KLKB1: variants seen among roughly 807,000 people sequenced by gnomAD.
KLKB1 encodes the protein plasma kallikrein.
A neutral mutation model predicts 73.6 loss-of-function variants in KLKB1; 58 were observed. The ratio of observed to expected loss-of-function variants is 0.79; its 90% CI spans 0.64 to 0.98. The LOEUF is 0.98. Among genes scored for constraint, KLKB1 ranks in the 50% least tolerant of loss-of-function variants. The probability of loss-of-function intolerance (pLI) is 0.00; values close to 1 mark genes in which losing one functional copy is unlikely to be tolerated. For synonymous variants in KLKB1, 280 were observed against 258.1 expected, an observed-to-expected ratio of 1.08 and a Z score of -0.81; for missense variants, 737 against 763.8, an observed-to-expected ratio of 0.96 and a Z score of 0.41.
chr4:186,223,652 A>C (rs943525662), upstream of KLKB1, among the ~76,000 whole-genome samples: 1 of 152,240 alleles, frequency 6.6e-6, no homozygotes, highest in African/African-American at 2.4e-5. Flanking sequence ...TTCTGAAAGC[A>C]TACAGTCAAG....
chr4:186,253,983 G>A (rs942921443), intron 11 of KLKB1, among the ~76,000 whole-genome samples: 19 of 152,050 alleles, frequency 1.2e-4, no homozygotes, highest in African/African-American at 2.2e-4. Context: ...TTACAGGCGC[G>A]CGCCACACCT....
chr4:186,234,458 A>G (rs567139269), intron 4 of KLKB1, among the ~76,000 whole-genome samples: 226 of 152,320 alleles, frequency 1.5e-3, no homozygotes, highest in African/African-American at 5.3e-3. Context: ...GGGACATTTG[A>G]CAATGTCTGG....
intron 6 of KLKB1, among the ~76,000 whole-genome samples, chr4:186,247,413 T>TG (rs527557112): frequency 1.4e-3 from 160 of 118,422 alleles, no homozygotes; most frequent in African/African-American, 4.4e-3. Flanking sequence ...CGGGCAGGGG[T>TG]GGGGGGTCAC....
intron 4 of KLKB1, among the ~76,000 whole-genome samples, chr4:186,235,907 AG>A (rs1354379777): frequency 6.6e-6 from 1 of 151,782 alleles, no homozygotes; most frequent in African/African-American, 2.4e-5. Flanking sequence ...CGAGGTCAGG[AG>A]ATCGAGACCA....
intron 7 of KLKB1, 75 bp downstream of exon 7, chr4:186,250,477 T>C: frequency 6.6e-7 from 1 of 1,524,784 alleles, no homozygotes; most frequent in Non-Finnish European, 9.1e-7. Context: ...TTTCATCACT[T>C]TTATAGTCTG....
chr4:186,211,981 A>G (rs1736737696), intron 2 of KLKB1: 1 of 152,114 alleles, frequency 6.6e-6, no homozygotes. Flanking sequence ...GTTTTTTCAC[A>G]GTGCCTCACA....
chr4:186,225,645 AG>A (rs1260124456), upstream of KLKB1, among the ~76,000 whole-genome samples: 1 of 152,002 alleles, frequency 6.6e-6, no homozygotes, highest in African/African-American at 2.4e-5. Flanking sequence ...TGTGTTAGCC[AG>A]GATGGTCTCG....
rs189907388 is a variant in KLKB1, at chr4:186,236,031, G to A, written c.329-750G>A. On this transcript the variant is annotated intron_variant, in intron 4 of 14. Coordinates refer to ENST00000264690, the MANE Select transcript of KLKB1 (RefSeq NM_000892.5). ...CGGGAGGCTGAGGCAGGAGAATGGC[G>A]TGAACCCGGGAGGCGGAGCTTGCAG... Among the ~76,000 whole-genome samples, 272 of 150,156 alleles carry A rather than the reference G, an allele frequency of 1.8e-3. 1 individual carries two copies. The highest frequency in any genetic ancestry group is 6.4e-3 in the African/African-American group (262 of 40,680).
At chr4:186,235,696 A>T (rs1446153179) in intron 4 of KLKB1, among the ~76,000 whole-genome samples, 1 of 152,190 alleles carries the variant, frequency 6.6e-6, no homozygotes, top group East Asian at 1.9e-4. Context: ...GTGGAAAGGT[A>T]TCTGTAGTAG....
chr4:186,232,166 G>T lies in KLKB1; in HGVS notation c.98G>T (p.Gly33Val), dbSNP rs1737429632. The change falls in exon 3 of 15, where the codon GGT becomes GTT. Residue 33 changes from glycine (G) to valine (V), a missense_variant. Transcript: ENST00000264690. ...CTCTATGAAAACGCCTTCTTCAGAG[G>T]TGGGGATGTAGCTTCCATGTACACC... Reference protein sequence around the residue: ...TQLYENAFFRGGDVASMYTPN... With the variant: ...TQLYENAFFRVGDVASMYTPN... 6.2e-7 allele frequency: 1 copy of T among 1,613,858 alleles called. No homozygotes were observed. Among genetic ancestry groups the T allele is most frequent in the Non-Finnish European group, 8.5e-7 (1 of 1,179,790 alleles).
At chr4:186,217,494 A>G (rs1216406144) in intron 2 of KLKB1, among the ~76,000 whole-genome samples, 1 of 152,224 alleles carries the variant, frequency 6.6e-6, no homozygotes, top group East Asian at 1.9e-4. Context: ...ACATTATCCT[A>G]CATTTCTAAT....
At chr4:186,240,572 C>G (rs1193583482) in intron 6 of KLKB1, among the ~76,000 whole-genome samples, 1 of 152,154 alleles carries the variant, frequency 6.6e-6, no homozygotes, top group African/African-American at 2.4e-5. Context: ...ATGTTAATGA[C>G]AAGATGTTAC....
intron 2 of KLKB1, among the ~76,000 whole-genome samples, chr4:186,220,109 G>A (rs372829813): frequency 3.3e-5 from 5 of 151,962 alleles, no homozygotes; most frequent in South Asian, 2.1e-4. Flanking sequence ...GCAAGCAGAA[G>A]GTAATGTATT....
intron 12 of KLKB1, among the ~76,000 whole-genome samples, chr4:186,255,092 G>T (rs112065058): frequency 1.2e-4 from 18 of 152,282 alleles, no homozygotes; most frequent in African/African-American, 4.1e-4. Flanking sequence ...ATTGCTTTGG[G>T]CTTAGGGATA....
chr4:186,214,093 A>G (rs1736822219), intron 2 of KLKB1, among the ~76,000 whole-genome samples: 2 of 152,178 alleles, frequency 1.3e-5, no homozygotes, highest in Admixed American at 1.3e-4. Context: ...CCCAGCTGCA[A>G]TTGAAGAAGA....
intron 12 of KLKB1, 131 bp downstream of exon 12, chr4:186,254,894 G>C: frequency 1.3e-6 from 1 of 763,560 alleles, no homozygotes; most frequent in Non-Finnish European, 2.1e-6. Context: ...GGAAACGTGA[G>C]GGTTGCTGGG....
chr4:186,220,912 A>G (rs1737019657), intron 2 of KLKB1, among the ~76,000 whole-genome samples: 1 of 152,158 alleles, frequency 6.6e-6, no homozygotes. Context: ...ATGTTTATAG[A>G]CTTCACCAAT....
Position 186,233,981 on chromosome 4 carries a change from C to G in KLKB1, c.251C>G (p.Thr84Arg), listed in dbSNP as rs756049294. The change falls in exon 4 of 15, where the codon ACA becomes AGA. Residue 84 changes from threonine to arginine, a missense_variant. Thr to Arg is a moderately conservative substitution (Grantham distance 71). Transcript: ENST00000264690. ...RFGCFLKDSV[T>R]GTLPKVHRTG... The stretch of plus-strand genomic sequence containing the variant: ...GGTTGCTTCTTGAAAGATAGTGTTA[C>G]AGGAACCCTGCCAAAAGTACATCGA... 5.7e-5 allele frequency: 92 copies of G among 1,613,876 alleles called. No individual in the cohort carries two copies. Among genetic ancestry groups the G allele is most frequent in the Admixed American group, 8.3e-5 (5 of 60,008 alleles).
At chr4:186,255,227 G>A (rs1738935569) in intron 12 of KLKB1, among the ~76,000 whole-genome samples, 1 of 152,120 alleles carries the variant, frequency 6.6e-6, no homozygotes, top group Non-Finnish European at 1.5e-5. Context: ...GTTGCCTTTG[G>A]AGGGTCATTG....
Sources: gnomAD v4.1 joint callset for allele counts (sites outside exome capture counted in the v4.1 genomes callset) on GRCh38, gnomAD v4.1.1 for gene constraint, MANE v1.5 for transcripts, NCBI Gene and HGNC (gene_info 2026-07-23, HGNC 2026-07-21) for gene names.